HECW1: variants seen among roughly 807,000 people sequenced by gnomAD.
The protein encoded by HECW1 is E3 ubiquitin-protein ligase HECW1.
Under a neutral mutation model 182.3 loss-of-function variants are expected in HECW1, and 61 were observed. The ratio of observed to expected loss-of-function variants is 0.33; its 90% CI spans 0.27 to 0.41. The LOEUF is 0.41. Ranked by LOEUF, HECW1 falls within the 10% of genes least tolerant of loss-of-function variation. HECW1 has a pLI of 1.00. For missense variants in HECW1, 1,739 were observed against 2,108.9 expected, an observed-to-expected ratio of 0.82 and a Z score of 3.44; for synonymous variants, 859 against 832.6, an observed-to-expected ratio of 1.03 and a Z score of -0.55.
chr7:43,547,272 G>T (rs974796357), intron 26 of HECW1, among the ~76,000 whole-genome samples: 3 of 152,150 alleles, frequency 2.0e-5, no homozygotes, highest in Admixed American at 6.5e-5. Context: ...TTTTCAGCCA[G>T]GCATGGTGGC....
chr7:43,287,082 G>T (rs1301197745), intron 3 of HECW1, among the ~76,000 whole-genome samples: 1 of 152,166 alleles, frequency 6.6e-6, no homozygotes, highest in South Asian at 2.1e-4. Flanking sequence ...ACGTAACAAA[G>T]TCCTCATGGA....
At chr7:43,117,269 G>A (rs1412245574) in intron 2 of HECW1, among the ~76,000 whole-genome samples, 3 of 152,094 alleles carry the variant, frequency 2.0e-5, no homozygotes, top group Non-Finnish European at 4.4e-5. Flanking sequence ...TAACTCTTAT[G>A]GTCAAAGTGT....
intron 2 of HECW1, among the ~76,000 whole-genome samples, chr7:43,220,012 G>A (rs1010012111): frequency 1.3e-5 from 2 of 152,146 alleles, no homozygotes; most frequent in Non-Finnish European, 2.9e-5. Flanking sequence ...ACTACCTGGT[G>A]CTGGGCCAGA....
rs980029162 is a variant in HECW1 at position 43,329,140 on chromosome 7, C to G, written c.460+8398C>G. On this transcript the variant is annotated intron_variant, in intron 5 of 29. Transcript: ENST00000395891. ...TAATCACCTCCAAGTTACAGGAACT[C>G]GGCCAGTTGGGAAGGAAGGTCTGGG... Among the ~76,000 whole-genome samples the G allele has an allele frequency of 2.8e-5, 4 of 143,228 alleles. No individual in the cohort carries two copies. In the East Asian group the frequency reaches 7.7e-4, roughly 28 times the overall value. 94.0% of individuals were successfully genotyped at this position (143,228 alleles called of 152,430 possible).
At chr7:43,213,530 C>T (rs932401519) in intron 2 of HECW1, among the ~76,000 whole-genome samples, 13 of 150,686 alleles carry the variant, frequency 8.6e-5, no homozygotes, top group Non-Finnish European at 1.3e-4. Flanking sequence ...ACTGCAAGCT[C>T]CACCTTCCGG....
chr7:43,443,992 G>A (rs1326865734), intron 10 of HECW1, among the ~76,000 whole-genome samples: 2 of 152,096 alleles, frequency 1.3e-5, no homozygotes, highest in South Asian at 2.1e-4. Flanking sequence ...TTTTTGAATC[G>A]TATTTCGGAA....
At position 43,112,802 on chromosome 7, in the gene HECW1, G is replaced by C. The variant is rs1784720887; in HGVS notation, c.-402G>C. 4.4e-6 allele frequency: 1 copy of C among 228,894 alleles called. No homozygotes were observed. Among genetic ancestry groups the C allele is most frequent in the Admixed American group, 5.7e-5 (1 of 17,620 alleles). The allele number at this position is 228,894 out of a possible 1,614,324, so 14.2% of individuals were successfully genotyped here. A position where few individuals can be genotyped will look rare whatever the true frequency, so the allele number is the denominator to read the frequency against. On this transcript the variant is annotated 5_prime_UTR_variant, in exon 1 of 30. Coordinates refer to ENST00000395891, the MANE Select transcript of HECW1 (RefSeq NM_015052.5). ...GGGCACCCGGCAGCCAGAGCGCAGCGAGAGCGGGCGGTCGCCAGGGTCCCC... is the reference window on the plus strand; with the variant it reads ...GGGCACCCGGCAGCCAGAGCGCAGCCAGAGCGGGCGGTCGCCAGGGTCCCC...
At chr7:43,159,743 C>T (rs944081235) in intron 2 of HECW1, among the ~76,000 whole-genome samples, 3 of 111,532 alleles carry the variant, frequency 2.7e-5, no homozygotes, top group African/African-American at 8.5e-5. Context: ...GCAGTGGTGG[C>T]GATCTCTGCT....
At position 43,444,788 on chromosome 7, in the gene HECW1, T is replaced by G; in HGVS notation, c.1616T>G (p.Val539Gly). The change falls in exon 11 of 30, where the codon GTG becomes GGG. Residue 539 changes from valine to glycine, a missense_variant. By Grantham distance (109) the Val-to-Gly change is moderately radical (BLOSUM62 -3). Transcript: ENST00000395891. The surrounding 1 kb of genome is among the most constrained non-coding windows in gnomAD (Gnocchi z 4.3). ...AAAAGCAGGCCCTGCTCCTTGCCTG[T>G]GTCCGAGCTGGAGACGGTGATCGCG... ...KRKSRPCSLPVSELETVIASA... is the reference protein window; with the variant it reads ...KRKSRPCSLPGSELETVIASA... 6.2e-7 allele frequency: 1 copy of G among 1,614,074 alleles called. No individual in the cohort carries two copies. The highest frequency in any genetic ancestry group is 8.5e-7 in the Non-Finnish European group (1 of 1,180,012).
intron 13 of HECW1, among the ~76,000 whole-genome samples, chr7:43,461,835 T>C (rs1018717720): frequency 6.6e-6 from 1 of 152,162 alleles, no homozygotes; most frequent in Non-Finnish European, 1.5e-5. Context: ...TTCTGAAAGG[T>C]GTCAGAGTGA....
At chr7:43,216,843 C>T (rs904518379) in intron 2 of HECW1, among the ~76,000 whole-genome samples, 7 of 152,056 alleles carry the variant, frequency 4.6e-5, no homozygotes, top group Admixed American at 2.6e-4. Flanking sequence ...TTAGTAAAGA[C>T]GGGGTTTCAC....
chr7:43,276,942 C>G (rs540951291), intron 3 of HECW1, among the ~76,000 whole-genome samples: 2 of 152,180 alleles, frequency 1.3e-5, no homozygotes, highest in Non-Finnish European at 2.9e-5. Flanking sequence ...CGTCTCTAAT[C>G]CCACTTCGCC....
At chr7:43,171,373 T>C (rs1415355943) in intron 2 of HECW1, among the ~76,000 whole-genome samples, 2 of 152,220 alleles carry the variant, frequency 1.3e-5, no homozygotes, top group Non-Finnish European at 2.9e-5. Context: ...CACAGTTGTA[T>C]TTTCCAGTCC....
At chr7:43,352,791 C>A (rs924680884) in intron 5 of HECW1, among the ~76,000 whole-genome samples, 1 of 152,110 alleles carries the variant, frequency 6.6e-6, no homozygotes, top group African/African-American at 2.4e-5. Context: ...ATTATTAATG[C>A]CCTGGTACAT....
At chr7:43,448,533 A>G (rs2077134037) in intron 11 of HECW1, among the ~76,000 whole-genome samples, 1 of 152,086 alleles carries the variant, frequency 6.6e-6, no homozygotes, top group Non-Finnish European at 1.5e-5. Flanking sequence ...TCTCCCTCAA[A>G]GTGTTGTTGG....
rs546743077 is a variant in HECW1, at chr7:43,368,557, A to G, written c.555+7577A>G. Among the ~76,000 whole-genome samples, 6 of 152,314 alleles carry G rather than the reference A, an allele frequency of 3.9e-5. No homozygotes were observed. In the East Asian group the frequency reaches 9.6e-4, roughly 24 times the overall value. ...TCTAGAACAGAAAGAAAGGGAAGGGATTCGGCATCCTCTCTCTAGATAATT... is the reference window on the plus strand; with the variant it reads ...TCTAGAACAGAAAGAAAGGGAAGGGGTTCGGCATCCTCTCTCTAGATAATT... On this transcript the variant is annotated intron_variant, in intron 6 of 29. Coordinates refer to ENST00000395891, the MANE Select transcript of HECW1 (RefSeq NM_015052.5).
chr7:43,252,398 C>A (rs1312617305), intron 3 of HECW1, among the ~76,000 whole-genome samples: 1 of 152,222 alleles, frequency 6.6e-6, no homozygotes, highest in Non-Finnish European at 1.5e-5. Flanking sequence ...CAAGAACTGG[C>A]AGCTTTAGCA....
intron 2 of HECW1, among the ~76,000 whole-genome samples, chr7:43,219,901 G>A (rs190282453): frequency 6.6e-6 from 1 of 152,268 alleles, no homozygotes; most frequent in Admixed American, 6.5e-5. Context: ...AGGTTCTTTT[G>A]TGGGCAGGAA....
At chr7:43,348,695 T>A (rs1814004181) in intron 5 of HECW1, among the ~76,000 whole-genome samples, 1 of 152,160 alleles carries the variant, frequency 6.6e-6, no homozygotes, top group African/African-American at 2.4e-5. Context: ...TCCCAGAGGT[T>A]TTGATAGTTT....
Sources: gnomAD v4.1 joint callset for allele counts (sites outside exome capture counted in the v4.1 genomes callset) on GRCh38, gnomAD v4.1.1 for gene constraint, Gnocchi (gnomAD v3.1) non-coding constraint, MANE v1.5 for transcripts, NCBI Gene and HGNC (gene_info 2026-07-23, HGNC 2026-07-21) for gene names.